The following TCF7L2 variants were observed in gnomAD, a reference collection of about 807,000 sequenced individuals.
The protein encoded by TCF7L2 is transcription factor 7 like 2.
TCF7L2 carries 23 observed loss-of-function variants against 77.9 expected under a neutral mutation model. The ratio of observed to expected loss-of-function variants is 0.30; its 90% CI spans 0.21 to 0.42. TCF7L2 has a LOEUF of 0.42. Ranked by LOEUF, TCF7L2 falls within the 10% of genes least tolerant of loss-of-function variation. The pLI is 1.00. For missense variants in TCF7L2, 654 were observed against 793.1 expected (o/e 0.82, Z 2.11); for synonymous variants, 413 against 340.2 (o/e 1.21, Z -2.36).
intron 4 of TCF7L2, among the ~76,000 whole-genome samples, chr10:113,022,496 G>A (rs866435708): frequency 6.6e-6 from 1 of 152,206 alleles, no homozygotes; most frequent in African/African-American, 2.4e-5. Context: ...ATGAGTGGGA[G>A]TAGGGGCCAG....
intron 4 of TCF7L2, among the ~76,000 whole-genome samples, chr10:113,012,672 C>T (rs889291244): frequency 6.6e-6 from 1 of 152,160 alleles, no homozygotes; most frequent in Non-Finnish European, 1.5e-5. Context: ...GTCTCCAGGT[C>T]TCTTAACAGC....
intron 11 of TCF7L2, 113 bp downstream of exon 11, chr10:113,152,553 A>T (rs568207207): frequency 1.2e-6 from 1 of 810,282 alleles, no homozygotes; most frequent in African/African-American, 1.7e-5. Flanking sequence ...GGACCATCCA[A>T]TCTGCCCGCT....
intron 13 of TCF7L2, among the ~76,000 whole-genome samples, chr10:113,165,065 TCACA>T (rs1564992909): frequency 6.6e-6 from 1 of 151,982 alleles, no homozygotes; most frequent in Non-Finnish European, 1.5e-5. Flanking sequence ...ACACTCACAC[TCACA>T]CACTCACACA....
At chr10:112,951,355 G>A in intron 2 of TCF7L2, 82 bp downstream of exon 2, 1 of 983,916 alleles carries the variant, frequency 1.0e-6, no homozygotes, top group Non-Finnish European at 1.2e-6. Context: ...CCCGCGCCCG[G>A]CTCGGCCTGG....
At chr10:112,985,916 C>T (rs2041437258) in intron 4 of TCF7L2, among the ~76,000 whole-genome samples, 1 of 149,568 alleles carries the variant, frequency 6.7e-6, no homozygotes, top group Non-Finnish European at 1.5e-5. Flanking sequence ...TCTATTAGTG[C>T]CATGGGCAGC....
At chr10:113,097,561 A>C (rs1384289621) in intron 5 of TCF7L2, among the ~76,000 whole-genome samples, 2 of 148,074 alleles carry the variant, frequency 1.4e-5, no homozygotes, top group East Asian at 4.1e-4. Flanking sequence ...GCCGAGGCAG[A>C]AGAATCACCT....
At chr10:113,108,067 C>T (rs1396533596) in intron 5 of TCF7L2, among the ~76,000 whole-genome samples, 2 of 152,156 alleles carry the variant, frequency 1.3e-5, no homozygotes, top group Non-Finnish European at 2.9e-5. Context: ...TGAGAGCCTC[C>T]AGCCCCCTTT....
At chr10:113,098,112 G>A (rs1338915454) in intron 5 of TCF7L2, among the ~76,000 whole-genome samples, 1 of 151,292 alleles carries the variant, frequency 6.6e-6, no homozygotes, top group Non-Finnish European at 1.5e-5. Flanking sequence ...CTGAAGGGAA[G>A]GTAGGTCCTT....
In TCF7L2 at chr10:113,083,638, C is replaced by T. The variant is rs968783650; in HGVS notation, c.552+43512C>T. On this transcript the variant is annotated intron_variant, in intron 5 of 13. Coordinates refer to ENST00000627217, the MANE Select transcript of TCF7L2 (RefSeq NM_001146274.2). Reference sequence around the variant, plus strand: ...GACCTTACCTGTCTCCAAGGTTACGCGTGTGTACGTGGGGTTGGCTGGTTT... The same window carrying T: ...GACCTTACCTGTCTCCAAGGTTACGTGTGTGTACGTGGGGTTGGCTGGTTT... Among the ~76,000 whole-genome samples, 7 of 152,218 alleles carry T rather than the reference C, an allele frequency of 4.6e-5. No individual in the cohort carries two copies. The East Asian group carries it at 5.8e-4, about 13-fold the overall frequency.
At chr10:112,951,704 C>T (rs2031455457) in intron 3 of TCF7L2, 97 bp downstream of exon 3, 4 of 629,134 alleles carry the variant, frequency 6.4e-6, no homozygotes, top group South Asian at 6.8e-5. Context: ...CTCCCCGCCT[C>T]CCCCTCCCCG....
intron 3 of TCF7L2, among the ~76,000 whole-genome samples, chr10:112,962,750 C>CA (rs967143310): frequency 6.6e-6 from 1 of 152,160 alleles, no homozygotes; most frequent in Admixed American, 6.5e-5. Context: ...AGGCGCCCGC[C>CA]ACCACGCCTG....
intron 11 of TCF7L2, among the ~76,000 whole-genome samples, chr10:113,157,329 G>A (rs1009965792): frequency 6.9e-4 from 105 of 152,294 alleles, no homozygotes; most frequent in Non-Finnish European, 9.6e-4. Context: ...CGTTGGCCAG[G>A]CTGGTCTTGA....
At chr10:113,111,622 T>C (rs1302679869) in intron 5 of TCF7L2, among the ~76,000 whole-genome samples, 2 of 152,092 alleles carry the variant, frequency 1.3e-5, no homozygotes, top group Non-Finnish European at 2.9e-5. Flanking sequence ...TGAAACCTCA[T>C]TTCTACAGAA....
chr10:113,001,964 C>T (rs890600087), intron 4 of TCF7L2, among the ~76,000 whole-genome samples: 3 of 152,118 alleles, frequency 2.0e-5, no homozygotes, highest in Non-Finnish European at 2.9e-5. Context: ...GGCTACGAGA[C>T]GTGAGGCAAA....
At chr10:112,964,475 C>T in intron 3 of TCF7L2, 81 bp from the exon 4 acceptor site, 2 of 1,319,670 alleles carry the variant, frequency 1.5e-6, no homozygotes, top group Non-Finnish European at 2.2e-6. Context: ...GAAGGTTTGT[C>T]TGCTATTCAT....
At chr10:112,970,827 T>C (rs2038080475) in intron 4 of TCF7L2, among the ~76,000 whole-genome samples, 1 of 151,940 alleles carries the variant, frequency 6.6e-6, no homozygotes, top group Non-Finnish European at 1.5e-5. Flanking sequence ...AGTGAAGAAC[T>C]CCTGGAAACA....
At chr10:113,137,316 T>G (rs1404981712) in intron 5 of TCF7L2, among the ~76,000 whole-genome samples, 1 of 152,180 alleles carries the variant, frequency 6.6e-6, no homozygotes, top group Non-Finnish European at 1.5e-5. Flanking sequence ...TCATTAGTAT[T>G]TATCAGATTG....
intron 5 of TCF7L2, among the ~76,000 whole-genome samples, chr10:113,081,538 C>G (rs1265520632): frequency 6.6e-6 from 1 of 152,206 alleles, no homozygotes; most frequent in Non-Finnish European, 1.5e-5. Flanking sequence ...CCTGTTCTCT[C>G]AAAGTCATTG....
At chr10:113,149,907 A>G (rs1178173466) in intron 8 of TCF7L2, among the ~76,000 whole-genome samples, 2 of 152,156 alleles carry the variant, frequency 1.3e-5, no homozygotes, top group African/African-American at 2.4e-5. Context: ...TATTTTTTCT[A>G]TAGTAGGATA....
Sources: allele counts gnomAD v4.1 joint callset (sites outside exome capture counted in the v4.1 genomes callset), GRCh38; gene constraint gnomAD v4.1.1; transcripts MANE v1.5; gene names NCBI Gene and HGNC (gene_info 2026-07-23, HGNC 2026-07-21).